The following SDCCAG8 variants were observed in gnomAD, a reference collection of about 807,000 sequenced individuals.
The protein encoded by SDCCAG8 is serologically defined colon cancer antigen 8.
Under a neutral mutation model 101.8 loss-of-function variants are expected in SDCCAG8, and 74 were observed. The ratio of observed to expected loss-of-function variants is 0.73; its 90% CI spans 0.60 to 0.88. SDCCAG8 has a LOEUF of 0.88. Ranked by LOEUF, SDCCAG8 falls within the 40% of genes least tolerant of loss-of-function variation. The probability of loss-of-function intolerance (pLI) is 0.00; values close to 1 mark genes in which losing one functional copy is unlikely to be tolerated. For missense variants in SDCCAG8, 787 were observed against 822.6 expected, an observed-to-expected ratio of 0.96 and a Z score of 0.53; for synonymous variants, 281 against 292.9, an observed-to-expected ratio of 0.96 and a Z score of 0.41.
At chr1:243,417,902 A>T in intron 14 of SDCCAG8, 66 bp from the exon 15 acceptor site, 1 of 1,147,206 alleles carries the variant, frequency 8.7e-7, no homozygotes, top group South Asian at 1.2e-5. Flanking sequence ...CACTCTATGT[A>T]TGGAAGCACT....
rs1405250378 is a variant in SDCCAG8, at chr1:243,361,542, T to G, written c.1474-17179T>G. ...TGAGTCCAAACTCCTTTCTACAGTT[T>G]ATAAGGCCCTGCATAATCTCCCCAC... is the stretch of plus-strand genomic sequence containing the variant. On this transcript the variant is annotated intron_variant, in intron 12 of 17. Coordinates refer to ENST00000366541, the MANE Select transcript of SDCCAG8 (RefSeq NM_006642.5). Among the ~76,000 whole-genome samples the G allele has an allele frequency of 5.9e-5, 9 of 152,238 alleles. No homozygotes were observed. The East Asian group carries it at 1.7e-3, about 29-fold the overall frequency.
At chr1:243,432,356 C>G (rs937844068) in intron 16 of SDCCAG8, among the ~76,000 whole-genome samples, 1 of 152,004 alleles carries the variant, frequency 6.6e-6, no homozygotes, top group Non-Finnish European at 1.5e-5. Flanking sequence ...TAGAGGGGAA[C>G]AGAAGACACA....
chr1:243,307,442 T>G, intron 7 of SDCCAG8: 1 of 981,394 alleles, frequency 1.0e-6, no homozygotes, highest in Non-Finnish European at 1.2e-6. Context: ...TAATTATCTA[T>G]CTAACAGTAA....
chr1:243,346,924 T>C (rs1176851322), intron 12 of SDCCAG8, among the ~76,000 whole-genome samples: 1 of 152,220 alleles, frequency 6.6e-6, no homozygotes, highest in Non-Finnish European at 1.5e-5. Flanking sequence ...ATAGGGAATA[T>C]TGTAATGAGT....
intron 9 of SDCCAG8, among the ~76,000 whole-genome samples, chr1:243,318,217 G>A (rs1360532347): frequency 6.6e-6 from 1 of 152,214 alleles, no homozygotes; most frequent in African/African-American, 2.4e-5. Flanking sequence ...CATGCATGGA[G>A]CCGGAGACAG....
intron 16 of SDCCAG8, among the ~76,000 whole-genome samples, chr1:243,430,270 A>G (rs1455654321): frequency 6.6e-6 from 1 of 152,164 alleles, no homozygotes; most frequent in Non-Finnish European, 1.5e-5. Flanking sequence ...GTTCTAGAGA[A>G]AGAAAATCTA....
intron 1 of SDCCAG8, among the ~76,000 whole-genome samples, chr1:243,265,099 A>G (rs930332490): frequency 6.6e-6 from 1 of 152,222 alleles, no homozygotes; most frequent in East Asian, 1.9e-4. Context: ...TTGAAGAGCC[A>G]TGGGATTTCA....
At chr1:243,366,621 AGAGT>A (rs2077002383) in intron 12 of SDCCAG8, among the ~76,000 whole-genome samples, 1 of 152,040 alleles carries the variant, frequency 6.6e-6, no homozygotes, top group Non-Finnish European at 1.5e-5. Flanking sequence ...AAACTAAATA[AGAGT>A]ATCATAATAA....
intron 13 of SDCCAG8, among the ~76,000 whole-genome samples, chr1:243,399,653 T>C (rs1240769309): frequency 6.6e-6 from 1 of 152,042 alleles, no homozygotes; most frequent in African/African-American, 2.4e-5. Flanking sequence ...ATTACAGGCG[T>C]GCACCATCAC....
chr1:243,402,589 G>A (rs920448361), intron 13 of SDCCAG8, among the ~76,000 whole-genome samples: 1 of 152,002 alleles, frequency 6.6e-6, no homozygotes, highest in African/African-American at 2.4e-5. Context: ...CTTACAGCAT[G>A]TCTTGATCCA....
intron 3 of SDCCAG8, among the ~76,000 whole-genome samples, chr1:243,271,595 T>A (rs2068086077): frequency 6.6e-6 from 1 of 152,078 alleles, no homozygotes; most frequent in African/African-American, 2.4e-5. Context: ...CAGGCTAGAG[T>A]GCAGTGGCAT....
chr1:243,340,956 T>C, intron 10 of SDCCAG8, 83 bp from the exon 11 acceptor site: 1 of 1,401,076 alleles, frequency 7.1e-7, no homozygotes, highest in Non-Finnish European at 1.0e-6. Context: ...GTGACTATGC[T>C]GAGACGCTAT....
chr1:243,473,366 C>A (rs1661628196), intron 16 of SDCCAG8, among the ~76,000 whole-genome samples: 2 of 152,180 alleles, frequency 1.3e-5, no homozygotes, highest in South Asian at 4.1e-4. Flanking sequence ...TCCCCCTACC[C>A]CTTCTTGCTT....
chr1:243,402,885 G>A (rs974197751), intron 13 of SDCCAG8, among the ~76,000 whole-genome samples: 6 of 152,172 alleles, frequency 3.9e-5, no homozygotes, highest in African/African-American at 1.4e-4. Flanking sequence ...TGAGGAGGAG[G>A]AGGAAGAGAG....
At chr1:243,353,383 C>T (rs1364814257) in intron 12 of SDCCAG8, among the ~76,000 whole-genome samples, 6 of 148,074 alleles carry the variant, frequency 4.1e-5, no homozygotes, top group South Asian at 2.2e-4. Flanking sequence ...CCCAGCTACT[C>T]GGGAGACTGA....
chr1:243,325,673 C>T (rs1051493501), intron 9 of SDCCAG8, among the ~76,000 whole-genome samples: 1 of 152,154 alleles, frequency 6.6e-6, no homozygotes, highest in African/African-American at 2.4e-5. Flanking sequence ...AAACTCCCTA[C>T]TCTCACCACT....
At chr1:243,268,073 G>A in intron 1 of SDCCAG8, 1 of 753,692 alleles carries the variant, frequency 1.3e-6, no homozygotes, top group Non-Finnish European at 2.5e-6. Flanking sequence ...GAGACTAAGC[G>A]TTTGCTTCAT....
At chr1:243,423,252 A>G (rs766598454) in intron 15 of SDCCAG8, among the ~76,000 whole-genome samples, 2 of 152,164 alleles carry the variant, frequency 1.3e-5, no homozygotes, top group Non-Finnish European at 2.9e-5. Flanking sequence ...GACATCCTCA[A>G]TGCAGGGAAT....
intron 16 of SDCCAG8, among the ~76,000 whole-genome samples, chr1:243,454,929 T>A (rs1480991109): frequency 6.6e-6 from 1 of 152,130 alleles, no homozygotes; most frequent in African/African-American, 2.4e-5. Context: ...GCTTCCCAGA[T>A]ACGGTGGAAA....
Sources: allele counts gnomAD v4.1 joint callset (sites outside exome capture counted in the v4.1 genomes callset), GRCh38; gene constraint gnomAD v4.1.1; transcripts MANE v1.5; gene names NCBI Gene and HGNC (gene_info 2026-07-23, HGNC 2026-07-21).